Variants in KLHL8 observed in about 807,000 individuals in gnomAD.
KLHL8 encodes kelch like family member 8.
Under a neutral mutation model 63.5 loss-of-function variants are expected in KLHL8, and 38 were observed. That is an observed-to-expected ratio of 0.60 (90% CI 0.46 to 0.78). KLHL8 has a LOEUF of 0.78. Among genes scored for constraint, KLHL8 ranks in the 30% least tolerant of loss-of-function variants. The probability of loss-of-function intolerance (pLI) is 0.00; values close to 1 mark genes in which losing one functional copy is unlikely to be tolerated. For synonymous variants in KLHL8, 224 were observed against 254.3 expected (o/e 0.88, Z 1.13); for missense variants, 566 against 752.4 (o/e 0.75, Z 2.90).
At chr4:87,221,934 G>C (rs1732870558), upstream of KLHL8, among the ~76,000 whole-genome samples, 1 of 152,122 alleles carries the variant, frequency 6.6e-6, no homozygotes, top group South Asian at 2.1e-4. Flanking sequence ...TCTGGAACGT[G>C]ATGTAAAAAT....
intron 1 of KLHL8, among the ~76,000 whole-genome samples, chr4:87,198,652 G>C (rs980942600): frequency 6.6e-6 from 1 of 152,196 alleles, no homozygotes; most frequent in Non-Finnish European, 1.5e-5. Flanking sequence ...GTTAGGGAAG[G>C]ATGAGAGGAG....
In KLHL8 at chr4:87,170,518, C is replaced by G; in HGVS notation, c.1306G>C (p.Glu436Gln). 1.9e-6 allele frequency: 3 copies of G among 1,614,016 alleles called. No individual in the cohort carries two copies. The highest frequency in any genetic ancestry group is 2.5e-6 in the Non-Finnish European group (3 of 1,179,926). The change falls in exon 7 of 10, where the codon GAA becomes CAA. Residue 436 changes from glutamate (E) to glutamine (Q), a missense_variant. Coordinates refer to ENST00000273963, the MANE Select transcript of KLHL8 (RefSeq NM_020803.5). Reference sequence around the variant, plus strand: ...GCCACTGTACTCCACTGATCAGATTCTATGTCATATCTCTCCACATCATTG... The same window carrying G: ...GCCACTGTACTCCACTGATCAGATTGTATGTCATATCTCTCCACATCATTG... ...CFNDVERYDIESDQWSTVAPM... is the reference protein window; with the variant it reads ...CFNDVERYDIQSDQWSTVAPM...
rs1177618976 is a variant in KLHL8 at position 87,162,311 on chromosome 4, T to C, written c.*1208A>G. The C allele has an allele frequency of 1.3e-5, 2 of 152,220 alleles. No individual in the cohort carries two copies. The highest frequency in any genetic ancestry group is 2.4e-5 in the African/African-American group (1 of 41,460). The allele number at this position is 152,220 out of a possible 1,614,324, so 9.4% of individuals were successfully genotyped here. A position where few individuals can be genotyped will look rare whatever the true frequency, so the allele number is the denominator to read the frequency against. On this transcript the variant is annotated 3_prime_UTR_variant, in exon 10 of 10. Transcript: ENST00000273963. Reference sequence around the variant, plus strand: ...CCATTTTATAATGCTAGTTAAAACTTTGAAGAGCTGTTAAATCTGTAGGTC... The same window carrying C: ...CCATTTTATAATGCTAGTTAAAACTCTGAAGAGCTGTTAAATCTGTAGGTC...
chr4:87,220,187 C>T (rs1732775404), intron 1 of KLHL8: 1 of 152,620 alleles, frequency 6.6e-6, no homozygotes, highest in African/African-American at 2.4e-5. Flanking sequence ...TGGAAGGTTG[C>T]TCAGGGGCTG....
chr4:87,167,816 CT>C (rs1464120329), intron 8 of KLHL8: 1 of 206,012 alleles, frequency 4.9e-6, no homozygotes, highest in Non-Finnish European at 9.9e-6. Context: ...CAAAATCAAA[CT>C]GAAAAATTTC....
intron 4 of KLHL8, among the ~76,000 whole-genome samples, chr4:87,179,087 G>A (rs114893948): frequency 0.018 from 2,706 of 152,038 alleles, 80 homozygotes; most frequent in African/African-American, 0.062. Flanking sequence ...GCTCACACAG[G>A]AAAAGTTCAT....
intron 1 of KLHL8, among the ~76,000 whole-genome samples, chr4:87,229,304 G>C (rs2110069387): frequency 1.3e-5 from 2 of 152,240 alleles, no homozygotes; most frequent in South Asian, 4.1e-4. Flanking sequence ...CCACAGGACA[G>C]ATGACATGTG....
chr4:87,212,406 C>T (rs1434623244), intron 1 of KLHL8, among the ~76,000 whole-genome samples: 1 of 151,960 alleles, frequency 6.6e-6, no homozygotes, highest in Non-Finnish European at 1.5e-5. Flanking sequence ...ATAGTGAGAG[C>T]CAGTCTCGAC....
chr4:87,207,235 T>C, intron 1 of KLHL8: 1 of 566,432 alleles, frequency 1.8e-6, no homozygotes, highest in East Asian at 4.1e-5. Flanking sequence ...TCCAGTAGGA[T>C]TTTACCTATG....
intron 1 of KLHL8, chr4:87,208,160 C>T (rs560473231): frequency 3.4e-5 from 13 of 384,858 alleles, no homozygotes; most frequent in African/African-American, 2.7e-4. Context: ...TGGGGAGTCC[C>T]TGCCACACTC....
rs550165041 is a variant in KLHL8 at position 87,239,723 on chromosome 4, C to G, written n.57+535G>C. 6.6e-5 allele frequency among the ~76,000 whole-genome samples: 10 copies of G among 152,268 alleles called. No homozygotes were observed. In the East Asian group the frequency reaches 1.9e-3, roughly 29 times the overall value. On this transcript the variant is annotated intron_variant and non_coding_transcript_variant, in intron 1 of 1. Transcript: ENST00000506274. ...AATTTATGAGAACCTTGGGCTGAAA[C>G]TACCTACATGGCTTCTTCAAGGTAA...
chr4:87,171,159 A>G (rs1730617999), intron 6 of KLHL8, among the ~76,000 whole-genome samples: 1 of 152,200 alleles, frequency 6.6e-6, no homozygotes, highest in African/African-American at 2.4e-5. Flanking sequence ...CCATGTTAAA[A>G]GCTGATTTAA....
chr4:87,180,110 TTCTCTC>T (rs1212055915), intron 4 of KLHL8, among the ~76,000 whole-genome samples: 1 of 152,210 alleles, frequency 6.6e-6, no homozygotes, highest in African/African-American at 2.4e-5. Flanking sequence ...CCTCCCCTCT[TTCTCTC>T]TCTTAAACTT....
At chr4:87,205,173 A>T (rs976740545) in intron 1 of KLHL8, among the ~76,000 whole-genome samples, 6 of 152,214 alleles carry the variant, frequency 3.9e-5, no homozygotes, top group African/African-American at 1.4e-4. Flanking sequence ...TTGAGAGGAC[A>T]AGCTAGGAGG....
rs1578350621 is a variant in KLHL8, at chr4:87,161,357, A to C, written c.*2162T>G. The C allele has an allele frequency of 6.6e-6, 1 of 152,034 alleles. No individual in the cohort carries two copies. Among genetic ancestry groups the C allele is most frequent in the Non-Finnish European group, 1.5e-5 (1 of 68,010 alleles). 9.4% of individuals were successfully genotyped at this position (152,034 alleles called of 1,614,324 possible). The stretch of plus-strand genomic sequence containing the variant: ...CCATGCCTGGCCTATTTATCTTTTC[A>C]TACTGCTGTCAGGTCCTTCAAGGCT... On this transcript the variant is annotated 3_prime_UTR_variant, in exon 10 of 10. Coordinates refer to ENST00000273963, the MANE Select transcript of KLHL8 (RefSeq NM_020803.5).
chr4:87,205,194 C>G (rs1299501383), intron 1 of KLHL8, among the ~76,000 whole-genome samples: 4 of 152,114 alleles, frequency 2.6e-5, no homozygotes, highest in Non-Finnish European at 5.9e-5. Flanking sequence ...ATCGCTTGGG[C>G]CCAGGAGTTC....
upstream of KLHL8, chr4:87,220,723 C>T (rs951172721): frequency 6.6e-6 from 1 of 152,266 alleles, no homozygotes; most frequent in African/African-American, 2.4e-5. Flanking sequence ...CCGCGGCTCC[C>T]TAGTGGGCGG....
In KLHL8 at chr4:87,163,586, C is replaced by T. The variant is rs1198671023; in HGVS notation, c.1796G>A (p.Cys599Tyr). Residue 599 changes from cysteine (C) to tyrosine (Y), a missense_variant, in exon 10 of 10, where the codon TGT (cysteine) becomes TAT (tyrosine). Coordinates refer to ENST00000273963, the MANE Select transcript of KLHL8 (RefSeq NM_020803.5). Reference sequence around the variant, plus strand: ...TCGAATTTGGCTAGTTAAACAGGAACACACAGCTACTCCTGCTCCAGCTCT... The same window carrying T: ...TCGAATTTGGCTAGTTAAACAGGAATACACAGCTACTCCTGCTCCAGCTCT... ...HCRAGAGVAV[C>Y]SCLTSQIRDV... 2 of 1,614,104 alleles carry T rather than the reference C, an allele frequency of 1.2e-6. No individual in the cohort carries two copies. Among genetic ancestry groups the T allele is most frequent in the East Asian group, 2.2e-5 (1 of 44,880 alleles).
chr4:87,164,396 T>C (rs560671713), intron 8 of KLHL8, among the ~76,000 whole-genome samples: 1 of 152,122 alleles, frequency 6.6e-6, no homozygotes, highest in East Asian at 1.9e-4. Context: ...CAAACATTCA[T>C]AAATTTGTCC....
Sources: allele counts gnomAD v4.1 joint callset (sites outside exome capture counted in the v4.1 genomes callset), GRCh38; gene constraint gnomAD v4.1.1; transcripts MANE v1.5; gene names NCBI Gene and HGNC (gene_info 2026-07-23, HGNC 2026-07-21).